The following DENND1B variants were observed in gnomAD, a reference collection of about 807,000 sequenced individuals.
DENND1B encodes the protein DENN domain-containing protein 1B.
A neutral mutation model predicts 90.1 loss-of-function variants in DENND1B; 59 were observed. The ratio of observed to expected loss-of-function variants is 0.65; its 90% CI spans 0.53 to 0.81. DENND1B has a LOEUF of 0.81. Among genes scored for constraint, DENND1B ranks in the 40% least tolerant of loss-of-function variants. The pLI is 0.00. For synonymous variants in DENND1B, 337 were observed against 324.6 expected, an observed-to-expected ratio of 1.04 and a Z score of -0.41; for missense variants, 862 against 912.6, an observed-to-expected ratio of 0.94 and a Z score of 0.71.
At chr1:197,697,772 G>C (rs916784992) in intron 3 of DENND1B, among the ~76,000 whole-genome samples, 14 of 151,984 alleles carry the variant, frequency 9.2e-5, no homozygotes, top group African/African-American at 3.4e-4. Flanking sequence ...TGTAGTCCTA[G>C]TCTCTGACAA....
At chr1:197,740,090 G>A (rs1663072939) in intron 2 of DENND1B, among the ~76,000 whole-genome samples, 1 of 152,206 alleles carries the variant, frequency 6.6e-6, no homozygotes, top group South Asian at 2.1e-4. Flanking sequence ...GCAAAAGGAA[G>A]GAGAGTGCGA....
chr1:197,699,442 A>T (rs1395570876), intron 3 of DENND1B, among the ~76,000 whole-genome samples: 1 of 152,176 alleles, frequency 6.6e-6, no homozygotes, highest in Non-Finnish European at 1.5e-5. Context: ...TGACAAACCC[A>T]CAGCTAATAT....
At chr1:197,778,322 G>A (rs117953864), upstream of DENND1B, among the ~76,000 whole-genome samples, 1 of 151,978 alleles carries the variant, frequency 6.6e-6, no homozygotes, top group African/African-American at 2.4e-5. Flanking sequence ...TTTTAATCTA[G>A]TCTGATCATC....
intron 3 of DENND1B, among the ~76,000 whole-genome samples, chr1:197,707,769 G>C (rs573418603): frequency 1.3e-5 from 2 of 148,840 alleles, no homozygotes; most frequent in South Asian, 2.1e-4. Context: ...AGCTCCCAGC[G>C]TGAGCGACGC....
intron 10 of DENND1B, among the ~76,000 whole-genome samples, chr1:197,641,180 T>C (rs1680242296): frequency 6.6e-6 from 1 of 152,242 alleles, no homozygotes; most frequent in Admixed American, 6.5e-5. Flanking sequence ...ATTTGTTACA[T>C]GAATTAATCC....
Position 197,751,939 on chromosome 1 carries a change from AAGG to A in DENND1B, c.82+20926_82+20928del, listed in dbSNP as rs892502706. Among the ~76,000 whole-genome samples, 10 of 133,802 alleles carry A rather than the reference AAGG, an allele frequency of 7.5e-5. 1 individual carries two copies. The highest frequency in any genetic ancestry group is 7.5e-4 in the East Asian group (3 of 4,024). The allele number at this position is 133,802 out of a possible 152,430, so 87.8% of individuals were successfully genotyped here. ...GGAAAAGAAGGAGAAGAAAGAGAAG[AAGG>A]AGGAGGAGGAGGAAGGGGGGAGGAG... On this transcript the variant is annotated intron_variant, in intron 2 of 22. Transcript: ENST00000620048.
chr1:197,506,245 A>G lies in DENND1B; in HGVS notation c.*4215T>C, dbSNP rs145893509. 9.2e-4 allele frequency: 139 copies of G among 151,716 alleles called. 1 individual carries two copies. The highest frequency in any genetic ancestry group is 3.3e-3 in the African/African-American group (136 of 41,502). The allele number at this position is 151,716 out of a possible 1,614,324, so 9.4% of individuals were successfully genotyped here. A position where few individuals can be genotyped will look rare whatever the true frequency, so the allele number is the denominator to read the frequency against. Reference sequence around the variant, plus strand: ...AAAATATTCTTCTGTCTAAATGTATATAATTCCTTATTTCTTCATCAAATC... The same window carrying G: ...AAAATATTCTTCTGTCTAAATGTATGTAATTCCTTATTTCTTCATCAAATC... On this transcript the variant is annotated 3_prime_UTR_variant, in exon 23 of 23. Transcript: ENST00000620048.
intron 12 of DENND1B, among the ~76,000 whole-genome samples, chr1:197,611,413 C>A (rs1677172831): frequency 6.6e-6 from 1 of 150,634 alleles, no homozygotes; most frequent in African/African-American, 2.4e-5. Flanking sequence ...AAAAAAATTA[C>A]TAAATTTTAT....
At chr1:197,583,382 C>A in intron 14 of DENND1B, 129 bp from the exon 15 acceptor site, 1 of 747,244 alleles carries the variant, frequency 1.3e-6, no homozygotes, top group Non-Finnish European at 2.2e-6. Context: ...CTTCCTTACA[C>A]AGAATAGTTT....
At chr1:197,589,528 T>G (rs1675001282) in intron 14 of DENND1B, among the ~76,000 whole-genome samples, 1 of 152,170 alleles carries the variant, frequency 6.6e-6, no homozygotes, top group African/African-American at 2.4e-5. Context: ...ACTTGGATTT[T>G]TAAAACTCTA....
In DENND1B at chr1:197,506,358, A is replaced by T. The variant is rs941176134; in HGVS notation, c.*4102T>A. 1 of 151,562 alleles carries T rather than the reference A, an allele frequency of 6.6e-6. No homozygotes were observed. The highest frequency in any genetic ancestry group is 2.4e-5 in the African/African-American group (1 of 41,380). 9.4% of individuals were successfully genotyped at this position (151,562 alleles called of 1,614,324 possible). On this transcript the variant is annotated 3_prime_UTR_variant, in exon 23 of 23. Transcript: ENST00000620048. The stretch of plus-strand genomic sequence containing the variant: ...CAATATTACTGGGTTTGACCCAGGA[A>T]CATTAGTACTGACATAGGGTTTGTA...
intron 2 of DENND1B, among the ~76,000 whole-genome samples, chr1:197,751,331 C>T (rs2477062): frequency 0.03 from 4,517 of 152,184 alleles, 236 homozygotes; most frequent in African/African-American, 0.1. Context: ...AAATAACCCA[C>T]GGATCAAGAA....
intron 2 of DENND1B, among the ~76,000 whole-genome samples, chr1:197,727,542 A>AAAAAAG (rs1001476741): frequency 3.9e-5 from 6 of 152,004 alleles, no homozygotes. Flanking sequence ...CTCAAAAAAA[A>AAAAAAG]AAAAAGAAAA....
intron 11 of DENND1B, among the ~76,000 whole-genome samples, chr1:197,612,968 G>T (rs769526593): frequency 6.6e-6 from 1 of 150,680 alleles, no homozygotes; most frequent in Non-Finnish European, 1.5e-5. Flanking sequence ...AGATATCTAC[G>T]AAGTCAATAG....
intron 20 of DENND1B, among the ~76,000 whole-genome samples, chr1:197,516,185 T>C (rs564288605): frequency 1.3e-5 from 2 of 151,958 alleles, no homozygotes; most frequent in East Asian, 1.9e-4. Context: ...GATTAATATG[T>C]TGTTTTCCTT....
chr1:197,763,226 C>T (rs996368390), intron 2 of DENND1B, among the ~76,000 whole-genome samples: 25 of 152,116 alleles, frequency 1.6e-4, no homozygotes, highest in African/African-American at 5.3e-4. Flanking sequence ...CGGGAGGATC[C>T]CTGGAGCCCA....
chr1:197,741,126 A>C (rs1388492180), intron 2 of DENND1B, among the ~76,000 whole-genome samples: 1 of 152,220 alleles, frequency 6.6e-6, no homozygotes, highest in Non-Finnish European at 1.5e-5. Context: ...TAAGACAAGT[A>C]AATCATTATC....
intron 1 of DENND1B, 81 bp from the exon 2 acceptor site, chr1:197,773,013 A>AG: frequency 2.5e-6 from 3 of 1,182,514 alleles, no homozygotes; most frequent in Non-Finnish European, 3.7e-6. Context: ...TTCTAAAACT[A>AG]ATCTTGTTTT....
chr1:197,729,955 C>T (rs373318787), intron 2 of DENND1B, among the ~76,000 whole-genome samples: 1 of 151,940 alleles, frequency 6.6e-6, no homozygotes, highest in East Asian at 1.9e-4. Context: ...GAAATGGGAA[C>T]GAAAAAGGCT....
Sources: allele counts gnomAD v4.1 joint callset (sites outside exome capture counted in the v4.1 genomes callset), GRCh38; gene constraint gnomAD v4.1.1; transcripts MANE v1.5; gene names NCBI Gene and HGNC (gene_info 2026-07-23, HGNC 2026-07-21).